Variants in GNPDA2 observed in about 807,000 individuals in gnomAD.
GNPDA2 encodes glucosamine-6-phosphate deaminase 2.
In GNPDA2, 24 loss-of-function variants were observed where a neutral mutation model predicts 27.0. The ratio of observed to expected loss-of-function variants is 0.89; its 90% CI spans 0.64 to 1.25. The LOEUF (loss-of-function observed/expected upper bound fraction) is 1.25. GNPDA2 is among the 50% of genes most tolerant of loss of function. The pLI, the probability that GNPDA2 is intolerant of heterozygous loss-of-function variation, is 0.00. For synonymous variants in GNPDA2, 94 were observed against 108.4 expected (o/e 0.87, Z 0.83); for missense variants, 286 against 335.1 (o/e 0.85, Z 1.14).
chr4:44,704,884 A>C, intron 6 of GNPDA2: 1 of 983,636 alleles, frequency 1.0e-6, no homozygotes, highest in Non-Finnish European at 1.2e-6. Flanking sequence ...TGATGATGTC[A>C]TATACTAAAA....
Position 44,702,902 on chromosome 4 carries a change from T to G in GNPDA2, c.*179A>C. 10 of 1,422,936 alleles carry G rather than the reference T, an allele frequency of 7.0e-6. No individual in the cohort carries two copies. In the South Asian group the frequency reaches 1.4e-4, roughly 20 times the overall value. The allele number at this position is 1,422,936 out of a possible 1,614,324, so 88.1% of individuals were successfully genotyped here. A position where few individuals can be genotyped will look rare whatever the true frequency, so the allele number is the denominator to read the frequency against. ...AATCTTGAGAGCCAGCTACTTCTCT[T>G]AAACCCAAGTACAAGATATAAATAT... On this transcript the variant is annotated 3_prime_UTR_variant, in exon 7 of 7. Coordinates refer to ENST00000295448, the MANE Select transcript of GNPDA2 (RefSeq NM_138335.3).
chr4:44,703,800 G>C, intron 6 of GNPDA2: 1 of 985,078 alleles, frequency 1.0e-6, no homozygotes, highest in Non-Finnish European at 1.2e-6. Flanking sequence ...GAAGCTGCTT[G>C]GGAAATAGCT....
intron 6 of GNPDA2, chr4:44,704,325 C>G (rs1716455505): frequency 2.0e-5 from 19 of 965,204 alleles, no homozygotes; most frequent in Non-Finnish European, 2.3e-5. Flanking sequence ...TTAGAAGATG[C>G]AACATTTTCC....
At chr4:44,719,277 C>T (rs7692568) in intron 2 of GNPDA2, among the ~76,000 whole-genome samples, 79,706 of 151,500 alleles carry the variant, frequency 0.53, 22,379 homozygotes, top group Non-Finnish European at 0.64. Flanking sequence ...AGCTAACCCA[C>T]CATCACAAAA....
At chr4:44,704,275 G>A in intron 6 of GNPDA2, 5 of 984,156 alleles carry the variant, frequency 5.1e-6, no homozygotes, top group Non-Finnish European at 6.0e-6. Context: ...TCCAGTAGGA[G>A]AGGGGACAAC....
rs1716358188 is a variant in GNPDA2, at chr4:44,702,840, C to T, written c.*241G>A. On this transcript the variant is annotated 3_prime_UTR_variant, in exon 7 of 7. Transcript: ENST00000295448. ...CATTTCTATGCTGTTTTATAGGTGG[C>T]TATGTGACTTCAGTACTTTATAATA... The T allele has an allele frequency of 1.5e-6, 2 of 1,336,284 alleles. No individual in the cohort carries two copies. Among genetic ancestry groups the T allele is most frequent in the East Asian group, 3.2e-5 (1 of 31,208 alleles). The allele number at this position is 1,336,284 out of a possible 1,614,324, so 82.8% of individuals were successfully genotyped here.
At chr4:44,713,686 C>T (rs1445796445) in intron 4 of GNPDA2, among the ~76,000 whole-genome samples, 1 of 152,100 alleles carries the variant, frequency 6.6e-6, no homozygotes, top group East Asian at 1.9e-4. Flanking sequence ...TCGAGACCAG[C>T]CTGGCCAATG....
chr4:44,714,258 A>G, intron 4 of GNPDA2: 1 of 978,956 alleles, frequency 1.0e-6, no homozygotes. Flanking sequence ...TATAGGTGTG[A>G]GCCACCGGAT....
At chr4:44,711,714 T>A (rs1360714468) in intron 4 of GNPDA2, among the ~76,000 whole-genome samples, 1 of 151,648 alleles carries the variant, frequency 6.6e-6, no homozygotes, top group African/African-American at 2.4e-5. Context: ...TAAAAATGTG[T>A]GGATTGGATA....
At chr4:44,723,608 T>C (rs1434322996) in intron 1 of GNPDA2, among the ~76,000 whole-genome samples, 1 of 152,168 alleles carries the variant, frequency 6.6e-6, no homozygotes, top group Non-Finnish European at 1.5e-5. Flanking sequence ...ATATACCACA[T>C]TTTCTTTATC....
Position 44,702,087 on chromosome 4 carries a change from C to T in GNPDA2, c.*994G>A. 1 of 984,324 alleles carries T rather than the reference C, an allele frequency of 1.0e-6. No individual in the cohort carries two copies. The highest frequency in any genetic ancestry group is 4.7e-5 in the South Asian group (1 of 21,252). The allele number at this position is 984,324 out of a possible 1,614,324, so 61.0% of individuals were successfully genotyped here. A position where few individuals can be genotyped will look rare whatever the true frequency, so the allele number is the denominator to read the frequency against. On this transcript the variant is annotated 3_prime_UTR_variant, in exon 7 of 7. Transcript: ENST00000295448. The stretch of plus-strand genomic sequence containing the variant: ...CAAACCCAAAATGAATGCAGGTTCA[C>T]ATGTACTATAATTGTTGGGAGTCGA...
chr4:44,722,279 A>G (rs1365816469), intron 1 of GNPDA2, 37 bp from the exon 2 acceptor site: 32 of 1,479,920 alleles, frequency 2.2e-5, no homozygotes, highest in Middle Eastern at 1.8e-4. Context: ...TTACATAATA[A>G]ACAGATAATT....
chr4:44,725,892 G>C (rs1110368), intron 1 of GNPDA2, among the ~76,000 whole-genome samples: 149,435 of 152,292 alleles, frequency 0.98, 73,383 homozygotes, highest in East Asian at 1. Flanking sequence ...AACTTCAATG[G>C]TGGATGACAA....
chr4:44,717,095 CA>C lies in GNPDA2; in HGVS notation c.409+17del, dbSNP rs1288182701. 1.9e-6 allele frequency: 3 copies of C among 1,562,600 alleles called. No homozygotes were observed. Among genetic ancestry groups the C allele is most frequent in the Non-Finnish European group, 2.6e-6 (3 of 1,144,066 alleles). ...TCAAACACTAACAAACAGTTAATGA[CA>C]AAAGGTTTTTACATACCTCCAACAA... On this transcript the variant is annotated intron_variant, in intron 4 of 6. Coordinates refer to ENST00000295448, the MANE Select transcript of GNPDA2 (RefSeq NM_138335.3).
intron 6 of GNPDA2, chr4:44,707,458 G>T: frequency 2.6e-6 from 1 of 388,484 alleles, no homozygotes. Context: ...TTTCTTTTGG[G>T]TTATTTGGTC....
At chr4:44,704,505 G>T in intron 6 of GNPDA2, 1 of 707,832 alleles carries the variant, frequency 1.4e-6, no homozygotes, top group Non-Finnish European at 1.7e-6. Context: ...TCTTTACATT[G>T]GATATATCTT....
intron 4 of GNPDA2, among the ~76,000 whole-genome samples, chr4:44,716,519 T>TAC (rs4034901): frequency 0.96 from 144,432 of 151,218 alleles, 69,169 homozygotes; most frequent in Non-Finnish European, 1. Flanking sequence ...AGATTATATA[T>TAC]ACACACACAT....
chr4:44,706,328 G>T (rs1181318527), intron 6 of GNPDA2: 1 of 151,770 alleles, frequency 6.6e-6, no homozygotes, highest in Non-Finnish European at 1.5e-5. Flanking sequence ...ATAAGGAAAT[G>T]TTTAAATAAA....
Position 44,702,942 on chromosome 4 carries a change from G to GT in GNPDA2, c.*138dup. ...GATATAAATATTCAAAATATGGAATGTTTAACATAGAGACTCGAATGAAAA... is the reference window on the plus strand; with the variant it reads ...GATATAAATATTCAAAATATGGAATGTTTTAACATAGAGACTCGAATGAAAA... On this transcript the variant is annotated 3_prime_UTR_variant, in exon 7 of 7. Coordinates refer to ENST00000295448, the MANE Select transcript of GNPDA2 (RefSeq NM_138335.3). 6.7e-7 allele frequency: 1 copy of GT among 1,496,784 alleles called. No homozygotes were observed. 92.7% of individuals were successfully genotyped at this position (1,496,784 alleles called of 1,614,324 possible).
Sources: allele counts gnomAD v4.1 joint callset (sites outside exome capture counted in the v4.1 genomes callset), GRCh38; gene constraint gnomAD v4.1.1; transcripts MANE v1.5; gene names NCBI Gene and HGNC (gene_info 2026-07-23, HGNC 2026-07-21).